MRAP2: variants seen among roughly 807,000 people sequenced by gnomAD.
The protein encoded by MRAP2 is melanocortin 2 receptor accessory protein 2, also known as melanocortin-2 receptor accessory protein 2.
In MRAP2, 20 loss-of-function variants were observed where a neutral mutation model predicts 17.4. The ratio of observed to expected loss-of-function variants is 1.15; its 90% CI spans 0.81 to 1.67. The LOEUF (loss-of-function observed/expected upper bound fraction) is 1.67, where lower values mean the gene tolerates loss of function less well. MRAP2 is among the 40% of genes most tolerant of loss of function. MRAP2 has a pLI of 0.00. For missense variants in MRAP2, 238 were observed against 240.0 expected (o/e 0.99, Z 0.05); for synonymous variants, 96 against 88.4 (o/e 1.09, Z -0.48).
the MRAP2 span, among the ~76,000 whole-genome samples, chr6:84,112,416 G>A: frequency 6.6e-6 from 1 of 152,104 alleles, no homozygotes; most frequent in South Asian, 2.1e-4. Flanking sequence ...ATTCTTTGAT[G>A]GTAGTTTGTA....
intron 1 of MRAP2, among the ~76,000 whole-genome samples, chr6:84,053,960 T>A (rs1260978734): frequency 3.3e-5 from 5 of 150,958 alleles, no homozygotes; most frequent in Non-Finnish European, 5.9e-5. Context: ...AAGGGGAGAG[T>A]GATGCAGAAG....
chr6:84,132,413 T>C, the MRAP2 span, among the ~76,000 whole-genome samples: 1 of 152,242 alleles, frequency 6.6e-6, no homozygotes, highest in Non-Finnish European at 1.5e-5. Flanking sequence ...GGGGAAGTTC[T>C]CCTGCATAAT....
chr6:84,129,338 T>A, the MRAP2 span, among the ~76,000 whole-genome samples: 1 of 152,194 alleles, frequency 6.6e-6, no homozygotes, highest in East Asian at 1.9e-4. Flanking sequence ...TTTCTCCGCA[T>A]CCTCTCCAGC....
the MRAP2 span, among the ~76,000 whole-genome samples, chr6:84,112,246 G>A: frequency 6.6e-6 from 1 of 152,090 alleles, no homozygotes; most frequent in African/African-American, 2.4e-5. Flanking sequence ...GCTTCTTTTG[G>A]TTGGTAGGCT....
chr6:84,124,359 A>G, the MRAP2 span: 50 of 152,370 alleles, frequency 3.3e-4, no homozygotes, highest in African/African-American at 1.2e-3. Context: ...AGATATATAT[A>G]GAGAGAGATA....
downstream of MRAP2, among the ~76,000 whole-genome samples, chr6:84,091,239 C>CTTTT (rs34508361): frequency 3.1e-4 from 34 of 108,040 alleles, no homozygotes; most frequent in African/African-American, 9.7e-4. Context: ...AGTTTGTTAA[C>CTTTT]TTTTTTTTTT....
At chr6:84,106,408 T>A in the MRAP2 span, among the ~76,000 whole-genome samples, 7 of 152,282 alleles carry the variant, frequency 4.6e-5, no homozygotes, top group East Asian at 1.4e-3. Context: ...TCCAATGTAA[T>A]TAACCTGCCA....
downstream of MRAP2, among the ~76,000 whole-genome samples, chr6:84,093,906 G>C (rs931155132): frequency 6.6e-6 from 1 of 152,184 alleles, no homozygotes; most frequent in Non-Finnish European, 1.5e-5. Context: ...TTCTTTTGCT[G>C]ATTGGCTGGA....
chr6:84,058,990 C>A (rs1189911161), intron 2 of MRAP2, among the ~76,000 whole-genome samples: 1 of 152,064 alleles, frequency 6.6e-6, no homozygotes, highest in Non-Finnish European at 1.5e-5. Flanking sequence ...ACAGCATGTA[C>A]AGACAAATCT....
chr6:84,132,693 T>C, the MRAP2 span, among the ~76,000 whole-genome samples: 3 of 152,200 alleles, frequency 2.0e-5, no homozygotes, highest in South Asian at 2.1e-4. Context: ...TTCAGCTCCA[T>C]CAGGTGATTT....
downstream of MRAP2, among the ~76,000 whole-genome samples, chr6:84,092,579 T>C (rs2099501949): frequency 2.0e-5 from 3 of 152,160 alleles, no homozygotes; most frequent in Admixed American, 1.3e-4. Context: ...ATAAGTTATT[T>C]TCTCCCAAAA....
the MRAP2 span, among the ~76,000 whole-genome samples, chr6:84,133,163 C>CTGCAGAACAGCAAATAT: frequency 3.3e-5 from 5 of 152,194 alleles, no homozygotes; most frequent in African/African-American, 1.2e-4. Flanking sequence ...CCAGCAGAGG[C>CTGCAGAACAGCAAATAT]TGCAGAACAG....
chr6:84,069,480 T>C (rs760955259), intron 3 of MRAP2, among the ~76,000 whole-genome samples: 12 of 151,516 alleles, frequency 7.9e-5, no homozygotes, highest in Non-Finnish European at 1.8e-4. Context: ...TGATATGTTG[T>C]TGGACTCAGT....
rs2099501334 is a variant in MRAP2, at chr6:84,089,554, C to T, written c.*73C>T. ...TATGTAGCAAGAAATCTACATCCAC[C>T]AAAATTGTGTGTGTTTGGGGGAGAG... On this transcript the variant is annotated 3_prime_UTR_variant, in exon 4 of 4. Transcript: ENST00000257776. 6.6e-7 allele frequency: 1 copy of T among 1,505,146 alleles called. No individual in the cohort carries two copies. The allele number at this position is 1,505,146 out of a possible 1,614,324, so 93.2% of individuals were successfully genotyped here. A position where few individuals can be genotyped will look rare whatever the true frequency, so the allele number is the denominator to read the frequency against.
chr6:84,084,151 A>G (rs2099499696), intron 3 of MRAP2, among the ~76,000 whole-genome samples: 1 of 152,218 alleles, frequency 6.6e-6, no homozygotes, highest in Admixed American at 6.5e-5. Flanking sequence ...TATTTTAGCC[A>G]GGACTGGCTA....
intron 3 of MRAP2, chr6:84,063,348 A>T: frequency 1.0e-6 from 1 of 985,400 alleles, no homozygotes; most frequent in Non-Finnish European, 1.2e-6. Context: ...AAAACAGTGG[A>T]AAAGACAATG....
In MRAP2 at chr6:84,044,607, C is replaced by T. The variant is rs191472368; in HGVS notation, c.-7-10705C>T. ...CTTGTTGCCTCTTCACACAGTTGTC[C>T]CTCTGTGCATGGGCTCCCCTGATGC... is the stretch of plus-strand genomic sequence containing the variant. On this transcript the variant is annotated intron_variant, in intron 1 of 3. Transcript: ENST00000257776. Among the ~76,000 whole-genome samples, 464 of 152,340 alleles carry T rather than the reference C, an allele frequency of 3.0e-3. 8 individuals are homozygous for T. Among genetic ancestry groups the T allele is most frequent in the East Asian group, 9.6e-4 (5 of 5,188 alleles).
the MRAP2 span, among the ~76,000 whole-genome samples, chr6:84,114,499 C>G: frequency 6.6e-6 from 1 of 152,072 alleles, no homozygotes; most frequent in South Asian, 2.1e-4. Context: ...AGGTTCTTAG[C>G]TTCCTTGCAT....
chr6:84,135,370 T>G, the MRAP2 span, among the ~76,000 whole-genome samples: 1 of 152,188 alleles, frequency 6.6e-6, no homozygotes, highest in Non-Finnish European at 1.5e-5. Context: ...GCTTTCTTAC[T>G]GGAGAAGACA....
Sources: allele counts gnomAD v4.1 joint callset (sites outside exome capture counted in the v4.1 genomes callset), GRCh38; gene constraint gnomAD v4.1.1; transcripts MANE v1.5; gene names NCBI Gene and HGNC (gene_info 2026-07-23, HGNC 2026-07-21).